PTPRD: variants seen among roughly 807,000 people sequenced by gnomAD.
PTPRD encodes receptor-type tyrosine-protein phosphatase delta.
In PTPRD, 34 loss-of-function variants were observed where a neutral mutation model predicts 214.5. That is an observed-to-expected ratio of 0.16 (90% CI 0.12 to 0.21). The LOEUF (loss-of-function observed/expected upper bound fraction) is 0.21, where lower values mean the gene tolerates loss of function less well. Ranked by LOEUF, PTPRD falls within the 10% of genes least tolerant of loss-of-function variation. The pLI is 1.00. For synonymous variants in PTPRD, 1,128 were observed against 845.7 expected, an observed-to-expected ratio of 1.33 and a Z score of -5.79; for missense variants, 2,545 against 2,398.7, an observed-to-expected ratio of 1.06 and a Z score of -1.27.
chr9:8,572,494 G>A (rs2091421924), intron 14 of PTPRD, among the ~76,000 whole-genome samples: 3 of 151,968 alleles, frequency 2.0e-5, no homozygotes, highest in Admixed American at 2.0e-4. Context: ...AAGCAATTAT[G>A]AGGAATTTGT....
At chr9:10,304,562 A>C (rs756105728) in intron 3 of PTPRD, among the ~76,000 whole-genome samples, 1 of 152,160 alleles carries the variant, frequency 6.6e-6, no homozygotes, top group Non-Finnish European at 1.5e-5. Flanking sequence ...ACTTCAGCAA[A>C]GTCTCAGGAT....
intron 32 of PTPRD, 93 bp from the exon 33 acceptor site, chr9:8,460,664 G>T: frequency 7.9e-7 from 1 of 1,265,402 alleles, no homozygotes; most frequent in Non-Finnish European, 1.1e-6. Flanking sequence ...CCAGGAAATA[G>T]TGGATTTAAT....
chr9:8,502,200 T>C (rs561186332), intron 23 of PTPRD, among the ~76,000 whole-genome samples: 5 of 152,130 alleles, frequency 3.3e-5, no homozygotes, highest in African/African-American at 1.2e-4. Flanking sequence ...ACAATTACTA[T>C]CATTATTTAA....
intron 5 of PTPRD, among the ~76,000 whole-genome samples, chr9:9,859,121 C>G (rs117452655): frequency 0.014 from 2,075 of 152,252 alleles, 21 homozygotes; most frequent in Middle Eastern, 0.034. Flanking sequence ...CCCCCATGCT[C>G]ACACGCACAC....
intron 11 of PTPRD, among the ~76,000 whole-genome samples, chr9:8,801,241 T>C (rs1327971805): frequency 6.6e-6 from 1 of 152,174 alleles, no homozygotes; most frequent in Admixed American, 6.5e-5. Context: ...CACATAGTAA[T>C]TACTGGTTCT....
At chr9:9,052,119 C>T (rs1355496150) in intron 10 of PTPRD, among the ~76,000 whole-genome samples, 1 of 152,176 alleles carries the variant, frequency 6.6e-6, no homozygotes, top group African/African-American at 2.4e-5. Context: ...GTTGTTACAG[C>T]CGCCTTCCTG....
chr9:8,815,788 A>C (rs1005913862), intron 11 of PTPRD, among the ~76,000 whole-genome samples: 3 of 152,314 alleles, frequency 2.0e-5, no homozygotes, highest in Non-Finnish European at 4.4e-5. Flanking sequence ...ATCTGATTCC[A>C]AGGACCTAAA....
At chr9:9,660,375 AC>A (rs530962726) in intron 7 of PTPRD, among the ~76,000 whole-genome samples, 82 of 152,086 alleles carry the variant, frequency 5.4e-4, no homozygotes, top group Non-Finnish European at 1.0e-3. Flanking sequence ...TATTTCAGCT[AC>A]CTTATTTTAG....
intron 40 of PTPRD, 76 bp from the exon 41 acceptor site, chr9:8,341,344 C>T: frequency 4.9e-6 from 7 of 1,416,108 alleles, no homozygotes; most frequent in Non-Finnish European, 4.8e-6. Context: ...GCAGTGTACC[C>T]CAGATTTCCC....
rs573193202 is a variant in PTPRD, at chr9:9,328,015, G to C, written c.-203+69434C>G. On this transcript the variant is annotated intron_variant, in intron 9 of 45. Coordinates refer to ENST00000381196, the MANE Select transcript of PTPRD (RefSeq NM_002839.4). ...GGGCCCATACAGCCCACGGGCCATGGACTGGACAAGCTTGATGTACATAGT... is the reference window on the plus strand; with the variant it reads ...GGGCCCATACAGCCCACGGGCCATGCACTGGACAAGCTTGATGTACATAGT... 5.8e-4 allele frequency among the ~76,000 whole-genome samples: 89 copies of C among 152,236 alleles called. 1 individual carries two copies. The South Asian group carries it at 0.014, about 23-fold the overall frequency.
chr9:8,556,102 C>T (rs2083668066), intron 14 of PTPRD, among the ~76,000 whole-genome samples: 1 of 152,192 alleles, frequency 6.6e-6, no homozygotes, highest in Non-Finnish European at 1.5e-5. Context: ...ATTTCAAGCT[C>T]TCTCGCCCTG....
intron 3 of PTPRD, among the ~76,000 whole-genome samples, chr9:10,223,712 T>A (rs1015590265): frequency 2.1e-5 from 3 of 144,036 alleles, no homozygotes; most frequent in Non-Finnish European, 3.0e-5. Context: ...ATAATAATAA[T>A]AAAGTAGAGT....
chr9:8,623,367 A>G (rs2095881199), intron 14 of PTPRD, among the ~76,000 whole-genome samples: 1 of 151,882 alleles, frequency 6.6e-6, no homozygotes, highest in South Asian at 2.1e-4. Context: ...CAAATTTCAA[A>G]TATTTTGTGG....
intron 10 of PTPRD, among the ~76,000 whole-genome samples, chr9:9,085,286 T>A (rs2099765381): frequency 6.6e-6 from 1 of 152,218 alleles, no homozygotes. Flanking sequence ...ATTCCTAGAA[T>A]AAATATTCTA....
chr9:9,277,337 G>C (rs1339231206), intron 9 of PTPRD, among the ~76,000 whole-genome samples: 1 of 151,254 alleles, frequency 6.6e-6, no homozygotes, highest in Non-Finnish European at 1.5e-5. Flanking sequence ...ATATATTCAG[G>C]ATGTTACATC....
chr9:8,947,119 T>C (rs1311323814), intron 11 of PTPRD, among the ~76,000 whole-genome samples: 1 of 151,576 alleles, frequency 6.6e-6, no homozygotes, highest in Non-Finnish European at 1.5e-5. Context: ...TTATTTGTTA[T>C]TCTCTTCTAC....
At chr9:9,037,708 C>CA (rs2099626480) in intron 10 of PTPRD, among the ~76,000 whole-genome samples, 1 of 152,088 alleles carries the variant, frequency 6.6e-6, no homozygotes, top group African/African-American at 2.4e-5. Flanking sequence ...AGGTGTCCAG[C>CA]AAAAATGGCC....
At chr9:9,372,261 G>C (rs1596544104) in intron 9 of PTPRD, among the ~76,000 whole-genome samples, 1 of 152,080 alleles carries the variant, frequency 6.6e-6, no homozygotes, top group African/African-American at 2.4e-5. Flanking sequence ...TCTCTGTGTA[G>C]GTCACAAAGG....
intron 12 of PTPRD, among the ~76,000 whole-genome samples, chr9:8,728,917 T>C (rs921505628): frequency 6.6e-6 from 1 of 151,718 alleles, no homozygotes; most frequent in Non-Finnish European, 1.5e-5. Context: ...GAGGTGGAGG[T>C]TGCAGTGAGC....
Sources: allele counts gnomAD v4.1 joint callset (sites outside exome capture counted in the v4.1 genomes callset), GRCh38; gene constraint gnomAD v4.1.1; transcripts MANE v1.5; gene names NCBI Gene and HGNC (gene_info 2026-07-23, HGNC 2026-07-21).